Variants in BCL7A observed in about 807,000 individuals in gnomAD.
BCL7A encodes the protein BAF chromatin remodeling complex subunit BCL7A, also known as B-cell CLL/lymphoma 7 protein family member A.
A neutral mutation model predicts 28.4 loss-of-function variants in BCL7A; 11 were observed. That is an observed-to-expected ratio of 0.39 (90% CI 0.24 to 0.64). BCL7A has a LOEUF of 0.64. Ranked by LOEUF, BCL7A falls within the 30% of genes least tolerant of loss-of-function variation. The pLI, the probability that BCL7A is intolerant of heterozygous loss-of-function variation, is 0.50. For synonymous variants in BCL7A, 123 were observed against 103.3 expected (o/e 1.19, Z -1.15); for missense variants, 222 against 274.8 (o/e 0.81, Z 1.36).
At chr12:122,039,491 T>A (rs1480578904) in intron 3 of BCL7A, among the ~76,000 whole-genome samples, 1 of 4,070 alleles carries the variant, frequency 2.5e-4, no homozygotes, top group Admixed American at 1.2e-3. Flanking sequence ...ATCTCTTAAA[T>A]ATATATATAT....
Position 122,049,225 on chromosome 12 carries a change from T to TAAAA in BCL7A, c.439+5186_439+5189dup, listed in dbSNP as rs72232692. 6.7e-5 allele frequency among the ~76,000 whole-genome samples: 8 copies of TAAAA among 119,728 alleles called. 1 individual carries two copies. The highest frequency in any genetic ancestry group is 2.6e-4 in the African/African-American group (8 of 31,130). 78.5% of individuals were successfully genotyped at this position (119,728 alleles called of 152,430 possible). ...TGGATGACAGAGCATGACCCTGTCT[T>TAAAA]AAAAAAAAAAAAAAAAAGAGAAGAA... is the stretch of plus-strand genomic sequence containing the variant. On this transcript the variant is annotated intron_variant, in intron 4 of 5. Coordinates refer to ENST00000261822, the MANE Select transcript of BCL7A (RefSeq NM_001024808.3).
Position 122,060,019 on chromosome 12 carries a change from C to T in BCL7A, c.*856C>T, listed in dbSNP as rs916646062. 3 of 233,434 alleles carry T rather than the reference C, an allele frequency of 1.3e-5. No homozygotes were observed. In the Admixed American group the frequency reaches 1.7e-4, roughly 13 times the overall value. 14.5% of individuals were successfully genotyped at this position (233,434 alleles called of 1,614,324 possible). ...CCCACCACCACCACCCCCATCACTG[C>T]TTTCTCCCAGACCTCCGAATACGAA... is the stretch of plus-strand genomic sequence containing the variant. On this transcript the variant is annotated 3_prime_UTR_variant, in exon 6 of 6. Coordinates refer to ENST00000261822, the MANE Select transcript of BCL7A (RefSeq NM_001024808.3).
chr12:122,028,317 G>A (rs1285355612), intron 1 of BCL7A, among the ~76,000 whole-genome samples: 2 of 152,178 alleles, frequency 1.3e-5, no homozygotes, highest in Non-Finnish European at 2.9e-5. Flanking sequence ...GGAAGCAGCT[G>A]CAAACTTGCA....
At chr12:122,047,554 TCTCA>T (rs1009897731) in intron 4 of BCL7A, among the ~76,000 whole-genome samples, 3 of 151,132 alleles carry the variant, frequency 2.0e-5, no homozygotes, top group African/African-American at 7.3e-5. Flanking sequence ...AGAAATGGGA[TCTCA>T]CTGTTGCCCA....
Position 122,054,945 on chromosome 12 carries a change from C to T in BCL7A, c.561+19C>T. 1 of 1,614,164 alleles carries T rather than the reference C, an allele frequency of 6.2e-7. No homozygotes were observed. Among genetic ancestry groups the T allele is most frequent in the East Asian group, 2.2e-5 (1 of 44,880 alleles). On this transcript the variant is annotated intron_variant, in intron 5 of 5. Transcript: ENST00000261822. ...CTCTCAGGTACCTCGCTCGAGGTCT[C>T]AGAGGGGCAGCCAGATCGGCCGGGA...
intron 4 of BCL7A, among the ~76,000 whole-genome samples, chr12:122,047,968 A>G (rs914143453): frequency 6.8e-6 from 1 of 147,894 alleles, no homozygotes; most frequent in Admixed American, 6.9e-5. Context: ...CAATGGTGCA[A>G]CCTTGGTTCA....
At chr12:122,046,388 G>A (rs1916334) in intron 4 of BCL7A, among the ~76,000 whole-genome samples, 26,336 of 152,140 alleles carry the variant, frequency 0.17, 2,758 homozygotes, top group East Asian at 0.29. Flanking sequence ...GGCTCAGGGC[G>A]TGTGTGTCCT....
In BCL7A at chr12:122,047,427, G is replaced by A. The variant is rs539060953; in HGVS notation, c.439+3374G>A. Among the ~76,000 whole-genome samples, 495 of 152,182 alleles carry A rather than the reference G, an allele frequency of 3.3e-3. 4 individuals are homozygous for A. The highest frequency in any genetic ancestry group is 0.011 in the African/African-American group (463 of 41,554). On this transcript the variant is annotated intron_variant, in intron 4 of 5. Transcript: ENST00000261822. The stretch of plus-strand genomic sequence containing the variant: ...TAGTCCCGGCTACTCGGGAGGCTGA[G>A]GCAGGAGAATGGTGTGAACTCGGGA...
intron 4 of BCL7A, among the ~76,000 whole-genome samples, chr12:122,047,791 G>A (rs540461367): frequency 1.3e-5 from 2 of 151,756 alleles, no homozygotes; most frequent in African/African-American, 2.4e-5. Flanking sequence ...CTCCCAAAGT[G>A]CTGAGATTAC....
chr12:122,024,069 C>T (rs1883550720), intron 1 of BCL7A, among the ~76,000 whole-genome samples: 1 of 152,254 alleles, frequency 6.6e-6, no homozygotes, highest in East Asian at 1.9e-4. Context: ...GGGCTTCCCA[C>T]CCCGCGGGCC....
At chr12:122,031,204 T>C (rs1883736693) in intron 2 of BCL7A, among the ~76,000 whole-genome samples, 1 of 152,140 alleles carries the variant, frequency 6.6e-6, no homozygotes, top group Non-Finnish European at 1.5e-5. Context: ...TTTTTTCGTA[T>C]TTTTAGTAGA....
chr12:122,059,266 T>A lies in BCL7A; in HGVS notation c.*103T>A. 9.3e-7 allele frequency: 1 copy of A among 1,073,524 alleles called. No individual in the cohort carries two copies. The highest frequency in any genetic ancestry group is 1.4e-6 in the Non-Finnish European group (1 of 722,508). 66.5% of individuals were successfully genotyped at this position (1,073,524 alleles called of 1,614,324 possible). A position where few individuals can be genotyped will look rare whatever the true frequency, so the allele number is the denominator to read the frequency against. ...GATTCCTCTTGGGTGCGAACAGAAC[T>A]ACTAACGTTTCAAGTTTACCAAGTG... On this transcript the variant is annotated 3_prime_UTR_variant, in exon 6 of 6. Coordinates refer to ENST00000261822, the MANE Select transcript of BCL7A (RefSeq NM_001024808.3). The surrounding 1 kb of genome is among the most constrained non-coding windows in gnomAD (Gnocchi z 4.0).
intron 3 of BCL7A, among the ~76,000 whole-genome samples, chr12:122,041,190 G>C (rs1392785795): frequency 6.6e-6 from 1 of 152,196 alleles, no homozygotes; most frequent in African/African-American, 2.4e-5. Context: ...GAGTTGGGCA[G>C]ATGGGTCCGG....
chr12:122,032,715 G>A (rs576571511), intron 2 of BCL7A, among the ~76,000 whole-genome samples: 2 of 152,258 alleles, frequency 1.3e-5, no homozygotes, highest in East Asian at 1.9e-4. Flanking sequence ...CATCCAAATC[G>A]CGGTTTCTGC....
chr12:122,045,660 T>G (rs1423193004), intron 4 of BCL7A, among the ~76,000 whole-genome samples: 2 of 152,162 alleles, frequency 1.3e-5, no homozygotes, highest in African/African-American at 4.8e-5. Context: ...GTCCTATATA[T>G]CCACCTGCTG....
Position 122,059,470 on chromosome 12 carries a change from C to T in BCL7A, c.*307C>T, listed in dbSNP as rs1361368731. 2 of 334,436 alleles carry T rather than the reference C, an allele frequency of 6.0e-6. No individual in the cohort carries two copies. The highest frequency in any genetic ancestry group is 1.0e-4 in the South Asian group (2 of 19,182). The allele number at this position is 334,436 out of a possible 1,614,324, so 20.7% of individuals were successfully genotyped here. ...TCCATTTGTGTTGCTGCTGTATTTTCCCCCCACTTCTCTATGTAACGATAT... is the reference window on the plus strand; with the variant it reads ...TCCATTTGTGTTGCTGCTGTATTTTTCCCCCACTTCTCTATGTAACGATAT... On this transcript the variant is annotated 3_prime_UTR_variant, in exon 6 of 6. Coordinates refer to ENST00000261822, the MANE Select transcript of BCL7A (RefSeq NM_001024808.3). The surrounding 1 kb of genome is among the most constrained non-coding windows in gnomAD (Gnocchi z 4.0).
Position 122,022,194 on chromosome 12 carries a change from GCGCCCGC to G in BCL7A, c.92+16_92+22del. Reference sequence around the variant, plus strand: ...GAAAGTGCGCAAATGGTAAGCGGAGGCGCCCGCCGCCAGCCGCCTCCCCGGCCGCCCC... The same window carrying G: ...GAAAGTGCGCAAATGGTAAGCGGAGGCGCCAGCCGCCTCCCCGGCCGCCCC... On this transcript the variant is annotated intron_variant, in intron 1 of 5. Transcript: ENST00000261822. 6.9e-7 allele frequency: 1 copy of G among 1,451,236 alleles called. No individual in the cohort carries two copies. Among genetic ancestry groups the G allele is most frequent in the Non-Finnish European group, 9.2e-7 (1 of 1,091,996 alleles). 89.9% of individuals were successfully genotyped at this position (1,451,236 alleles called of 1,614,324 possible). A position where few individuals can be genotyped will look rare whatever the true frequency, so the allele number is the denominator to read the frequency against.
intron 4 of BCL7A, among the ~76,000 whole-genome samples, chr12:122,050,616 G>A (rs1226957321): frequency 6.6e-6 from 1 of 152,152 alleles, no homozygotes; most frequent in Non-Finnish European, 1.5e-5. Context: ...CCAGCTGTGT[G>A]GGCCTGGGCA....
At chr12:122,055,080 C>G (rs1951868201) in intron 5 of BCL7A, 154 bp downstream of exon 5, 1 of 1,465,688 alleles carries the variant, frequency 6.8e-7, no homozygotes, top group Admixed American at 1.8e-5. Context: ...TGTCCATGAA[C>G]ACAGTCCTGG....
Sources: gnomAD v4.1 joint callset for allele counts (sites outside exome capture counted in the v4.1 genomes callset) on GRCh38, gnomAD v4.1.1 for gene constraint, Gnocchi (gnomAD v3.1) non-coding constraint, MANE v1.5 for transcripts, NCBI Gene and HGNC (gene_info 2026-07-23, HGNC 2026-07-21) for gene names.